The following UACA variants were observed in gnomAD, a reference collection of about 807,000 sequenced individuals.
UACA encodes nuclear membrane binding protein.
In UACA, 112 loss-of-function variants were observed where a neutral mutation model predicts 160.5. That is an observed-to-expected ratio of 0.70 (90% confidence interval 0.60 to 0.82). The LOEUF is 0.82. Among genes scored for constraint, UACA ranks in the 40% least tolerant of loss-of-function variants. UACA has a pLI of 0.00. For synonymous variants in UACA, 557 were observed against 568.4 expected (o/e 0.98, Z 0.29); for missense variants, 1,574 against 1,614.6 (o/e 0.97, Z 0.43).
At chr15:70,725,180 T>C (rs1899108453) in intron 1 of UACA, among the ~76,000 whole-genome samples, 1 of 152,156 alleles carries the variant, frequency 6.6e-6, no homozygotes, top group African/African-American at 2.4e-5. Flanking sequence ...CAATTATTTT[T>C]CCCCAAAAGC....
intron 1 of UACA, among the ~76,000 whole-genome samples, chr15:70,736,591 C>A (rs566855160): frequency 6.6e-6 from 1 of 151,960 alleles, no homozygotes; most frequent in African/African-American, 2.4e-5. Context: ...CTCACCACCA[C>A]GCCCGGCTAT....
Position 70,763,541 on chromosome 15 carries a change from C to A in UACA, c.-134G>T. 1 of 1,244,368 alleles carries A rather than the reference C, an allele frequency of 8.0e-7. No homozygotes were observed. The highest frequency in any genetic ancestry group is 1.0e-6 in the Non-Finnish European group (1 of 990,782). 77.1% of individuals were successfully genotyped at this position (1,244,368 alleles called of 1,614,324 possible). The stretch of plus-strand genomic sequence containing the variant: ...CCACCTGCCTGCCACCTGCGGGCCC[C>A]GGGCAGCAGACGTCGACAGGCCTGA... On this transcript the variant is annotated 5_prime_UTR_variant, in exon 1 of 19. Coordinates refer to ENST00000322954, the MANE Select transcript of UACA (RefSeq NM_018003.4).
intron 1 of UACA, among the ~76,000 whole-genome samples, 171 bp from the exon 2 acceptor site, chr15:70,699,831 G>A (rs1319084444): frequency 6.6e-6 from 1 of 151,944 alleles, no homozygotes; most frequent in Non-Finnish European, 1.5e-5. Flanking sequence ...GGAGAGCAGA[G>A]TTATAAAATC....
At chr15:70,659,676 T>C (rs1373006598) in intron 18 of UACA, among the ~76,000 whole-genome samples, 1 of 151,966 alleles carries the variant, frequency 6.6e-6, no homozygotes, top group Non-Finnish European at 1.5e-5. Context: ...ATACTGTTAT[T>C]CCTTAATTAA....
At chr15:70,699,193 T>C (rs1293236201) in intron 2 of UACA, among the ~76,000 whole-genome samples, 1 of 152,124 alleles carries the variant, frequency 6.6e-6, no homozygotes, top group African/African-American at 2.4e-5. Flanking sequence ...CTGCAAACTT[T>C]TTCCCACTTC....
At chr15:70,707,812 T>C (rs906741676) in intron 1 of UACA, among the ~76,000 whole-genome samples, 2 of 152,126 alleles carry the variant, frequency 1.3e-5, no homozygotes, top group African/African-American at 2.4e-5. Context: ...TTAGAACCCT[T>C]GTGCACTGTG....
chr15:70,710,196 A>G (rs942362748), intron 1 of UACA, among the ~76,000 whole-genome samples: 1 of 152,178 alleles, frequency 6.6e-6, no homozygotes, highest in African/African-American at 2.4e-5. Flanking sequence ...TCGGGGCTGC[A>G]GTGAGCCAAG....
At position 70,664,745 on chromosome 15, in the gene UACA, T is replaced by A; in HGVS notation, c.4030A>T (p.Thr1344Ser). 1.9e-6 allele frequency: 3 copies of A among 1,613,742 alleles called. No homozygotes were observed. Among genetic ancestry groups the A allele is most frequent in the Non-Finnish European group, 2.5e-6 (3 of 1,179,842 alleles). The change falls in exon 17 of 19, where the codon ACA becomes TCA. Residue 1344 changes from threonine (T) to serine (S), a missense_variant. Physicochemically the swap from Thr to Ser is moderately conservative, Grantham distance 58. Transcript: ENST00000322954. Reference sequence around the variant, plus strand: ...TGCCTCTTGGTGGGGTTCCCACTTGTGTAGGTGAGTTGGGAAAGGCCATTG... The same window carrying A: ...TGCCTCTTGGTGGGGTTCCCACTTGAGTAGGTGAGTTGGGAAAGGCCATTG... ...ALNGLSQLTY[T>S]SGNPTKRQSQ...
chr15:70,702,747 C>T (rs1416897492), intron 1 of UACA, among the ~76,000 whole-genome samples: 2 of 152,112 alleles, frequency 1.3e-5, no homozygotes, highest in Non-Finnish European at 2.9e-5. Context: ...ATTTTGTACC[C>T]CTATCAGTCT....
chr15:70,744,676 C>CA (rs985137134), intron 1 of UACA, among the ~76,000 whole-genome samples: 2 of 151,918 alleles, frequency 1.3e-5, no homozygotes, highest in East Asian at 1.9e-4. Flanking sequence ...GTGTTAAGAC[C>CA]AAAAAACAGT....
rs2030901389 is a variant in UACA, at chr15:70,763,417, T to C, written c.-10A>G. 2 of 1,299,904 alleles carry C rather than the reference T, an allele frequency of 1.5e-6. No homozygotes were observed. The highest frequency in any genetic ancestry group is 2.0e-6 in the Non-Finnish European group (2 of 1,015,064). 80.5% of individuals were successfully genotyped at this position (1,299,904 alleles called of 1,614,324 possible). A position where few individuals can be genotyped will look rare whatever the true frequency, so the allele number is the denominator to read the frequency against. On this transcript the variant is annotated 5_prime_UTR_variant, in exon 1 of 19. Transcript: ENST00000322954. ...ACTTGAGGCTCTTCATGGCTAACTC[T>C]TGCCTGGCCCCCGCGCGAACCTTAA...
chr15:70,744,248 C>CAAAAAAA (rs5813608), intron 1 of UACA, among the ~76,000 whole-genome samples: 16 of 64,668 alleles, frequency 2.5e-4, no homozygotes, highest in African/African-American at 6.6e-4. Context: ...GACTCTGTCT[C>CAAAAAAA]AAAAAAAAAA....
intron 9 of UACA, among the ~76,000 whole-genome samples, chr15:70,680,282 C>A (rs556024411): frequency 2.2e-4 from 34 of 152,064 alleles, no homozygotes; most frequent in African/African-American, 7.7e-4. Context: ...TTAACAAAAA[C>A]AACATAATTA....
In UACA at chr15:70,685,998, C is replaced by A. The variant is rs192121244; in HGVS notation, c.602+1542G>T. Among the ~76,000 whole-genome samples the A allele has an allele frequency of 2.3e-3, 346 of 152,178 alleles. 3 individuals are homozygous for A. The highest frequency in any genetic ancestry group is 8.2e-3 in the African/African-American group (341 of 41,534). Reference sequence around the variant, plus strand: ...CCATGTTGGCCAGGCTGGTCTTGAACTCCTGACCTCAAGTGATCCGCGCCC... The same window carrying A: ...CCATGTTGGCCAGGCTGGTCTTGAAATCCTGACCTCAAGTGATCCGCGCCC... On this transcript the variant is annotated intron_variant, in intron 7 of 18. Coordinates refer to ENST00000322954, the MANE Select transcript of UACA (RefSeq NM_018003.4).
At chr15:70,770,416 G>A in the UACA span, among the ~76,000 whole-genome samples, 5 of 151,988 alleles carry the variant, frequency 3.3e-5, no homozygotes, top group Non-Finnish European at 5.9e-5. Flanking sequence ...GATTAACCAG[G>A]TATATATATT....
At chr15:70,708,325 T>C (rs1294079087) in intron 1 of UACA, among the ~76,000 whole-genome samples, 2 of 152,198 alleles carry the variant, frequency 1.3e-5, no homozygotes, top group Non-Finnish European at 2.9e-5. Flanking sequence ...TTTTGCAAGA[T>C]AAAGTTTTAA....
chr15:70,693,789 C>T (rs955464161), intron 3 of UACA, among the ~76,000 whole-genome samples: 4 of 151,990 alleles, frequency 2.6e-5, no homozygotes, highest in Non-Finnish European at 5.9e-5. Context: ...GGGATCCACA[C>T]AATAAATAGT....
intron 1 of UACA, among the ~76,000 whole-genome samples, chr15:70,716,849 G>C (rs1426898655): frequency 6.6e-6 from 1 of 152,142 alleles, no homozygotes; most frequent in Non-Finnish European, 1.5e-5. Context: ...CTCAGCATCT[G>C]ATCTAAAAGA....
In UACA at chr15:70,752,642, A is replaced by AT. The variant is rs552510589; in HGVS notation, c.78+10687dup. Among the ~76,000 whole-genome samples, 40 of 150,662 alleles carry AT rather than the reference A, an allele frequency of 2.7e-4. No individual in the cohort carries two copies. In the East Asian group the frequency reaches 2.7e-3, roughly 10 times the overall value. ...AGAAAATTAAACAAGAGTCAATGAG[A>AT]TTTTTTTTTTAAAATGATTTGTGCA... is the stretch of plus-strand genomic sequence containing the variant. On this transcript the variant is annotated intron_variant, in intron 1 of 18. Coordinates refer to ENST00000322954, the MANE Select transcript of UACA (RefSeq NM_018003.4).
Sources: gnomAD v4.1 joint callset for allele counts (sites outside exome capture counted in the v4.1 genomes callset) on GRCh38, gnomAD v4.1.1 for gene constraint, MANE v1.5 for transcripts, NCBI Gene and HGNC (gene_info 2026-07-23, HGNC 2026-07-21) for gene names.